AMD1: variants seen among roughly 807,000 people sequenced by gnomAD.
AMD1 encodes S-adenosylmethionine decarboxylase proenzyme.
In AMD1, 11 loss-of-function variants were observed where a neutral mutation model predicts 40.2. That is an observed-to-expected ratio of 0.27 (90% CI 0.17 to 0.45). AMD1 has a LOEUF of 0.45. Among genes scored for constraint, AMD1 ranks in the 20% least tolerant of loss-of-function variants. The pLI is 1.00. For missense variants in AMD1, 257 were observed against 410.2 expected (o/e 0.63, Z 3.23); for synonymous variants, 121 against 130.8 (o/e 0.93, Z 0.51).
At chr6:110,881,287 G>T (rs1387301400) in intron 1 of AMD1, among the ~76,000 whole-genome samples, 1 of 152,072 alleles carries the variant, frequency 6.6e-6, no homozygotes, top group African/African-American at 2.4e-5. Context: ...ACCGTGTGTA[G>T]CAGTGTCCCT....
the AMD1 span, chr6:110,864,411 C>CCTCAGTGCATCATTAA: frequency 6.5e-6 from 1 of 154,180 alleles, no homozygotes; most frequent in East Asian, 1.9e-4. Flanking sequence ...TAAAGTGAAC[C>CCTCAGTGCATCATTAA]AGTTAATGTT....
chr6:110,892,726 C>CA lies in AMD1; in HGVS notation c.616-9_616-8insA, dbSNP rs761062041. The CA allele has an allele frequency of 1.2e-6, 2 of 1,606,378 alleles. No individual in the cohort carries two copies. Among genetic ancestry groups the CA allele is most frequent in the Non-Finnish European group, 8.5e-7 (1 of 1,174,802 alleles). On this transcript the variant is annotated splice_polypyrimidine_tract_variant and intron_variant, in intron 6 of 8. Coordinates refer to ENST00000368885, the MANE Select transcript of AMD1 (RefSeq NM_001634.6). The stretch of plus-strand genomic sequence containing the variant: ...ACCCTTGTTAAACTCGGTCTTTTTC[C>CA]CCCCCCAGGAGAGTGGAATTCGTGA...
chr6:110,858,233 C>T, the AMD1 span: 47 of 906,222 alleles, frequency 5.2e-5, no homozygotes, highest in African/African-American at 6.8e-4. Flanking sequence ...GCAGCGCGCG[C>T]CAGCCATGAG....
intron 1 of AMD1, among the ~76,000 whole-genome samples, chr6:110,876,078 G>T (rs2115269273): frequency 6.6e-6 from 1 of 152,356 alleles, no homozygotes; most frequent in Middle Eastern, 3.4e-3. Context: ...AATGCCTTAA[G>T]CTTGAGCAAA....
chr6:110,843,922 T>C, the AMD1 span, among the ~76,000 whole-genome samples: 2 of 152,294 alleles, frequency 1.3e-5, no homozygotes, highest in South Asian at 4.1e-4. Context: ...GGGATTATAT[T>C]GGGCCTCCCC....
chr6:110,844,510 G>A, the AMD1 span, among the ~76,000 whole-genome samples: 1 of 150,690 alleles, frequency 6.6e-6, no homozygotes, highest in African/African-American at 2.4e-5. Flanking sequence ...GGCTGGGTGT[G>A]GTGGCTCACG....
the AMD1 span, chr6:110,859,157 C>T: frequency 5.7e-6 from 7 of 1,225,508 alleles, no homozygotes; most frequent in Non-Finnish European, 6.9e-6. Context: ...AGGCTCCCAG[C>T]ACGCTCTCTC....
At chr6:110,860,406 TAAG>T in the AMD1 span, among the ~76,000 whole-genome samples, 2 of 152,172 alleles carry the variant, frequency 1.3e-5, no homozygotes, top group Admixed American at 6.5e-5. Flanking sequence ...CTTTCTCAAA[TAAG>T]AAGAGTGCAG....
the AMD1 span, among the ~76,000 whole-genome samples, chr6:110,819,848 C>A: frequency 6.6e-6 from 1 of 152,202 alleles, no homozygotes; most frequent in Non-Finnish European, 1.5e-5. Flanking sequence ...CCCACCAAAA[C>A]CAGGATGGTG....
chr6:110,889,225 GTAGT>G (rs1426534123), intron 3 of AMD1: 2 of 269,644 alleles, frequency 7.4e-6, no homozygotes, highest in East Asian at 1.5e-4. Flanking sequence ...GACACTTCCA[GTAGT>G]TAATTTCTTA....
At chr6:110,829,049 A>T in the AMD1 span, among the ~76,000 whole-genome samples, 46 of 152,244 alleles carry the variant, frequency 3.0e-4, no homozygotes, top group South Asian at 8.3e-4. Context: ...AGGTGCCTGT[A>T]ATCCCAGCTA....
upstream of AMD1, among the ~76,000 whole-genome samples, chr6:110,873,578 G>T (rs1784959722): frequency 6.6e-6 from 1 of 152,172 alleles, no homozygotes; most frequent in Non-Finnish European, 1.5e-5. Flanking sequence ...TTCTAAGGAT[G>T]ATAGCGAAAA....
chr6:110,832,258 GC>G, the AMD1 span, among the ~76,000 whole-genome samples: 1 of 151,680 alleles, frequency 6.6e-6, no homozygotes, highest in Non-Finnish European at 1.5e-5. Context: ...ACCTGCTTTA[GC>G]CCCCCAAAGT....
intron 1 of AMD1, 75 bp downstream of exon 1, chr6:110,875,290 A>G (rs2115266094): frequency 8.3e-7 from 1 of 1,209,364 alleles, no homozygotes; most frequent in Non-Finnish European, 1.2e-6. Context: ...CCACGGGTGG[A>G]GCCCGAGTTC....
chr6:110,893,707 C>A lies in AMD1; in HGVS notation c.*91C>A. On this transcript the variant is annotated 3_prime_UTR_variant, in exon 9 of 9. Transcript: ENST00000368885. Reference sequence around the variant, plus strand: ...TGTCGATGCTGGGGGCAGTGCTTTCCATAACCACCACTGTGTAGTTGCAGA... The same window carrying A: ...TGTCGATGCTGGGGGCAGTGCTTTCAATAACCACCACTGTGTAGTTGCAGA... The A allele has an allele frequency of 7.1e-7, 1 of 1,407,748 alleles. No individual in the cohort carries two copies. Among genetic ancestry groups the A allele is most frequent in the Non-Finnish European group, 9.7e-7 (1 of 1,031,062 alleles). The allele number at this position is 1,407,748 out of a possible 1,614,324, so 87.2% of individuals were successfully genotyped here. A position where few individuals can be genotyped will look rare whatever the true frequency, so the allele number is the denominator to read the frequency against.
chr6:110,862,470 A>ATTTTTTTTTTTTTTTTTT, the AMD1 span, among the ~76,000 whole-genome samples: 1 of 119,964 alleles, frequency 8.3e-6, no homozygotes, highest in South Asian at 2.6e-4. Flanking sequence ...CTATTTACTT[A>ATTTTTTTTTTTTTTTTTT]TTTTTTTTTT....
At chr6:110,862,019 CTTT>C in the AMD1 span, among the ~76,000 whole-genome samples, 3 of 125,460 alleles carry the variant, frequency 2.4e-5, no homozygotes, top group Non-Finnish European at 3.3e-5. Context: ...GATTTAAAAT[CTTT>C]TTTTTTTTTT....
chr6:110,852,200 A>ATTTTTTT, the AMD1 span, among the ~76,000 whole-genome samples: 39 of 51,308 alleles, frequency 7.6e-4, 8 homozygotes, highest in South Asian at 1.4e-3. Flanking sequence ...CGCCTGGCTA[A>ATTTTTTT]TTTTTTTTTT....
rs1785022524 is a variant in AMD1, at chr6:110,875,053, GTTTAA to G, written c.-48_-44del. The G allele has an allele frequency of 6.9e-7, 1 of 1,441,332 alleles. No individual in the cohort carries two copies. Among genetic ancestry groups the G allele is most frequent in the South Asian group, 1.2e-5 (1 of 83,676 alleles). 89.3% of individuals were successfully genotyped at this position (1,441,332 alleles called of 1,614,324 possible). On this transcript the variant is annotated 5_prime_UTR_variant, in exon 1 of 9. Coordinates refer to ENST00000368885, the MANE Select transcript of AMD1 (RefSeq NM_001634.6). ...GGCGGCGGCAGCGGCGGGAGAAGAG[GTTTAA>G]TTTAGTTGATTTTCTGTGGTTGTTG... is the stretch of plus-strand genomic sequence containing the variant.
Sources: allele counts gnomAD v4.1 joint callset (sites outside exome capture counted in the v4.1 genomes callset), GRCh38; gene constraint gnomAD v4.1.1; transcripts MANE v1.5; gene names NCBI Gene and HGNC (gene_info 2026-07-23, HGNC 2026-07-21).